PON2: variants seen among roughly 807,000 people sequenced by gnomAD.
PON2 encodes the protein paraoxonase 2, also known as serum paraoxonase/arylesterase 2.
A neutral mutation model predicts 36.6 loss-of-function variants in PON2; 27 were observed. The observed-to-expected ratio is 0.74, with a 90% CI of 0.54 to 1.02. The LOEUF is 1.02. Among genes scored for constraint, PON2 ranks in the 50% least tolerant of loss-of-function variants. The probability of loss-of-function intolerance (pLI) is 0.00; values close to 1 mark genes in which losing one functional copy is unlikely to be tolerated. For missense variants in PON2, 363 were observed against 421.1 expected, an observed-to-expected ratio of 0.86 and a Z score of 1.21; for synonymous variants, 149 against 156.3, an observed-to-expected ratio of 0.95 and a Z score of 0.35.
rs150199517 is a variant in PON2 at position 95,415,300 on chromosome 7, T to C, written c.201+942A>G. Reference sequence around the variant, plus strand: ...GGATTTCCAATTAGAATGGACATTGTTACAAGCTAGTTTCAACAATATTCA... The same window carrying C: ...GGATTTCCAATTAGAATGGACATTGCTACAAGCTAGTTTCAACAATATTCA... On this transcript the variant is annotated intron_variant, in intron 3 of 8. Coordinates refer to ENST00000222572, the MANE Select transcript of PON2 (RefSeq NM_000305.3). The C allele has an allele frequency of 2.0e-3, 304 of 152,322 alleles. 1 individual carries two copies. The highest frequency in any genetic ancestry group is 6.8e-3 in the African/African-American group (281 of 41,580). The allele number at this position is 152,322 out of a possible 1,614,324, so 9.4% of individuals were successfully genotyped here. A position where few individuals can be genotyped will look rare whatever the true frequency, so the allele number is the denominator to read the frequency against.
In PON2 at chr7:95,405,308, A is replaced by G. The variant is rs1488081289; in HGVS notation, c.*22T>C. 6.2e-7 allele frequency: 1 copy of G among 1,611,262 alleles called. No homozygotes were observed. Among genetic ancestry groups the G allele is most frequent in the Non-Finnish European group, 8.5e-7 (1 of 1,177,668 alleles). On this transcript the variant is annotated 3_prime_UTR_variant, in exon 9 of 9. Transcript: ENST00000222572. ...AGAAAATTAATTGTTAAGTTATCGC[A>G]CTTTCATGCCAAAAGTACAATTTAG...
At chr7:95,406,035 C>T in intron 8 of PON2, 84 bp downstream of exon 8, 1 of 1,464,468 alleles carries the variant, frequency 6.8e-7, no homozygotes, top group Non-Finnish European at 9.4e-7. Context: ...AATAACTAAA[C>T]AAATCATCCC....
intron 2 of PON2, 193 bp downstream of exon 2, chr7:95,424,322 T>G (rs1387166850): frequency 1.7e-6 from 1 of 595,776 alleles, no homozygotes; most frequent in Non-Finnish European, 3.0e-6. Context: ...AAGAATAATT[T>G]ACAGTGAGGG....
At position 95,412,334 on chromosome 7, in the gene PON2, G is replaced by A. The variant is rs779405967; in HGVS notation, c.345C>T (p.Gly115=). The A allele has an allele frequency of 6.2e-7, 1 of 1,614,130 alleles. No individual in the cohort carries two copies. Among genetic ancestry groups the A allele is most frequent in the South Asian group, 1.1e-5 (1 of 91,076 alleles). Residue 115 remains glycine, a synonymous_variant, in exon 4 of 9, where the codon GGC becomes GGT. Transcript: ENST00000222572. The part of the protein sequence containing the change: ...GFDLASFNPH[G]ISTFIDNDDT... ...TACCGTTGTCTATGAAAGTGCTGAT[G>A]CCATGTGGATTGAATGAGGCCAAAT...
chr7:95,418,819 T>A (rs768380495), intron 2 of PON2, among the ~76,000 whole-genome samples: 12 of 152,146 alleles, frequency 7.9e-5, no homozygotes, highest in Non-Finnish European at 1.6e-4. Context: ...CTCCCTCCCC[T>A]TCATCGGTTC....
At chr7:95,434,852 G>T in intron 1 of PON2, 26 bp downstream of exon 1, 1 of 1,536,922 alleles carries the variant, frequency 6.5e-7, no homozygotes. Context: ...GACCGCCGAG[G>T]AGGGGCGCGC....
Position 95,410,077 on chromosome 7 carries a change from T to C in PON2, c.519A>G (p.Gly173=). ...CATTTGTGGCATAGAAATGTGCCGG[T>C]CCAACAGCTGTGATGTCATTCACAC... The part of the protein sequence containing the change: ...LPSVNDITAV[G]PAHFYATNDH... The change falls in exon 6 of 9, where the codon GGA becomes GGG. Residue 173 remains glycine (G), a synonymous_variant. Transcript: ENST00000222572. 1 of 1,613,684 alleles carries C rather than the reference T, an allele frequency of 6.2e-7. No individual in the cohort carries two copies.
chr7:95,415,358 T>G (rs529086339), intron 3 of PON2: 10 of 152,282 alleles, frequency 6.6e-5, no homozygotes, highest in African/African-American at 2.2e-4. Context: ...GTTTTTAAAG[T>G]CTTTCTATTG....
At chr7:95,410,687 GATTT>G (rs201843348) in intron 5 of PON2, among the ~76,000 whole-genome samples, 2,844 of 152,268 alleles carry the variant, frequency 0.019, 47 homozygotes, top group Middle Eastern at 0.041. Context: ...TCAGGTGAGA[GATTT>G]ATATGCTAAA....
chr7:95,434,382 CT>C (rs1171442428), intron 1 of PON2: 4 of 156,104 alleles, frequency 2.6e-5, no homozygotes, highest in African/African-American at 9.6e-5. Context: ...TTTCAAGTGT[CT>C]TTGATCTACA....
At chr7:95,419,407 A>T (rs1203875860) in intron 2 of PON2, among the ~76,000 whole-genome samples, 1 of 152,176 alleles carries the variant, frequency 6.6e-6, no homozygotes, top group Admixed American at 6.5e-5. Context: ...GAGCAAAAAA[A>T]CACATGAATG....
rs768903286 is a variant in PON2, at chr7:95,416,274, T to C, written c.169A>G (p.Ile57Val). 27 of 1,613,446 alleles carry C rather than the reference T, an allele frequency of 1.7e-5. No individual in the cohort carries two copies. The highest frequency in any genetic ancestry group is 3.3e-4 in the Middle Eastern group (2 of 6,082). ...GIEAGSEDID[I>V]LPNGLAFFSV... is the part of the protein sequence containing the mutation. The stretch of plus-strand genomic sequence containing the variant: ...AAAAAAGCCAGACCATTGGGAAGTA[T>C]GTCAATATCTTCAGAGCCAGCTTCT... Residue 57 changes from isoleucine (I) to valine (V), a missense_variant, in exon 3 of 9, where the codon ATA becomes GTA. By Grantham distance (29) the Ile-to-Val change is conservative. Coordinates refer to ENST00000222572, the MANE Select transcript of PON2 (RefSeq NM_000305.3).
Position 95,405,297 on chromosome 7 carries a change from TAA to T in PON2, c.*31_*32del. 6.2e-7 allele frequency: 1 copy of T among 1,606,080 alleles called. No homozygotes were observed. The highest frequency in any genetic ancestry group is 8.5e-7 in the Non-Finnish European group (1 of 1,173,152). Reference sequence around the variant, plus strand: ...TAGCAATTCATAGAAAATTAATTGTTAAGTTATCGCACTTTCATGCCAAAAGT... The same window carrying T: ...TAGCAATTCATAGAAAATTAATTGTTGTTATCGCACTTTCATGCCAAAAGT... On this transcript the variant is annotated 3_prime_UTR_variant, in exon 9 of 9. Coordinates refer to ENST00000222572, the MANE Select transcript of PON2 (RefSeq NM_000305.3).
intron 2 of PON2, among the ~76,000 whole-genome samples, chr7:95,422,708 T>A (rs1789223626): frequency 6.6e-6 from 1 of 152,202 alleles, no homozygotes; most frequent in South Asian, 2.1e-4. Context: ...TAACCCGAGT[T>A]TTAATTTCTA....
Position 95,435,020 on chromosome 7 carries a change from C to A in PON2, c.-69G>T, listed in dbSNP as rs1190584528. On this transcript the variant is annotated 5_prime_UTR_variant, in exon 1 of 9. Transcript: ENST00000222572. ...AGCTCCGTGGGCGGTGCCATCTTCCCGGCTCGATGGTGCCGGCCGCGCTCC... is the reference window on the plus strand; with the variant it reads ...AGCTCCGTGGGCGGTGCCATCTTCCAGGCTCGATGGTGCCGGCCGCGCTCC... 5 of 1,438,424 alleles carry A rather than the reference C, an allele frequency of 3.5e-6. No homozygotes were observed. Among genetic ancestry groups the A allele is most frequent in the Admixed American group, 2.4e-5 (1 of 41,216 alleles). The allele number at this position is 1,438,424 out of a possible 1,614,324, so 89.1% of individuals were successfully genotyped here. A position where few individuals can be genotyped will look rare whatever the true frequency, so the allele number is the denominator to read the frequency against.
intron 5 of PON2, among the ~76,000 whole-genome samples, chr7:95,410,353 AAG>A: frequency 6.6e-6 from 1 of 152,350 alleles, no homozygotes; most frequent in African/African-American, 2.4e-5. Context: ...TAAGAGAAGA[AAG>A]AACTTAGTGC....
Position 95,412,386 on chromosome 7 carries a change from C to T in PON2, c.293G>A (p.Arg98Gln), listed in dbSNP as rs374262764. Residue 98 changes from arginine to glutamine, a missense_variant, in exon 4 of 9, where the codon CGG becomes CAG. Transcript: ENST00000222572. ...AAACCCACGACTGATTCTTAATTCC[C>T]GTGCCCTTGGTTTTTCTTCTTTTAG... ...MDLKEEKPRARELRISRGFDL... is the reference protein window; with the variant it reads ...MDLKEEKPRAQELRISRGFDL... 3.1e-6 allele frequency: 5 copies of T among 1,614,028 alleles called. No individual in the cohort carries two copies. Among genetic ancestry groups the T allele is most frequent in the East Asian group, 2.2e-5 (1 of 44,888 alleles).
At chr7:95,406,329 G>C (rs1809693466) in intron 7 of PON2, 82 bp from the exon 8 acceptor site, 2 of 1,418,934 alleles carry the variant, frequency 1.4e-6, no homozygotes, top group Non-Finnish European at 2.0e-6. Context: ...CTGCCTCTAT[G>C]CATGTGAGGA....
chr7:95,423,656 C>T (rs1585760116), intron 2 of PON2, among the ~76,000 whole-genome samples: 1 of 152,232 alleles, frequency 6.6e-6, no homozygotes, highest in Middle Eastern at 3.4e-3. Flanking sequence ...GCAGTCATAG[C>T]TTAGAAGATA....
Sources: gnomAD v4.1 joint callset for allele counts (sites outside exome capture counted in the v4.1 genomes callset) on GRCh38, gnomAD v4.1.1 for gene constraint, MANE v1.5 for transcripts, NCBI Gene and HGNC (gene_info 2026-07-23, HGNC 2026-07-21) for gene names.